TMC4: variants seen among roughly 807,000 people sequenced by gnomAD.
The protein encoded by TMC4 is voltage-gated chloride channel TMC4.
In TMC4, 70 loss-of-function variants were observed where a neutral mutation model predicts 82.0. The ratio of observed to expected loss-of-function variants is 0.85; its 90% confidence interval spans 0.70 to 1.04. The LOEUF is 1.04. Among genes scored for constraint, TMC4 ranks in the 50% least tolerant of loss-of-function variants. The pLI, the probability that TMC4 is intolerant of heterozygous loss-of-function variation, is 0.00. For missense variants in TMC4, 879 were observed against 899.0 expected, an observed-to-expected ratio of 0.98 and a Z score of 0.28; for synonymous variants, 446 against 406.0, an observed-to-expected ratio of 1.10 and a Z score of -1.18.
Position 54,162,597 on chromosome 19 carries a change from C to T in TMC4, c.1502+76G>A, listed in dbSNP as rs2075591766. 8.4e-6 allele frequency: 10 copies of T among 1,193,512 alleles called. No homozygotes were observed. The East Asian group carries it at 2.1e-4, about 26-fold the overall frequency. The allele number at this position is 1,193,512 out of a possible 1,614,324, so 73.9% of individuals were successfully genotyped here. A position where few individuals can be genotyped will look rare whatever the true frequency, so the allele number is the denominator to read the frequency against. ...GAGGCGGGAATGGTAAAAAGGTGCG[C>T]GGTGAAAAGAACAGCGCGATGGGGC... On this transcript the variant is annotated intron_variant, in intron 10 of 14. Coordinates refer to ENST00000619895, the MANE Select transcript of TMC4 (RefSeq NM_144686.4).
At position 54,162,209 on chromosome 19, in the gene TMC4, G is replaced by C; in HGVS notation, c.1579C>G (p.Leu527Val). ...ACCGTCTGCGCGTAGATGAGCCCCA[G>C]CACCTCGTCGGGCACCTGGAACTCT... ...TQEFQVPDEV[L>V]GLIYAQTVVW... Residue 527 changes from leucine (L) to valine (V), a missense_variant, in exon 11 of 15, where the codon CTG becomes GTG. Coordinates refer to ENST00000619895, the MANE Select transcript of TMC4 (RefSeq NM_144686.4). The C allele has an allele frequency of 6.2e-7, 1 of 1,613,266 alleles. No individual in the cohort carries two copies. Among genetic ancestry groups the C allele is most frequent in the East Asian group, 2.2e-5 (1 of 44,848 alleles).
At chr19:54,164,315 A>T (rs1444119358) in intron 7 of TMC4, 119 bp downstream of exon 7, 18 of 1,278,672 alleles carry the variant, frequency 1.4e-5, no homozygotes, top group Middle Eastern at 2.8e-4. Flanking sequence ...GTCCGAACAT[A>T]CCCTCTCCCA....
Position 54,160,192 on chromosome 19 carries a change from A to G in TMC4, c.*114T>C. The G allele has an allele frequency of 3.3e-6, 4 of 1,200,162 alleles. No homozygotes were observed. The highest frequency in any genetic ancestry group is 3.9e-5 in the South Asian group (2 of 50,980). 74.3% of individuals were successfully genotyped at this position (1,200,162 alleles called of 1,614,324 possible). On this transcript the variant is annotated 3_prime_UTR_variant, in exon 15 of 15. Transcript: ENST00000619895. The stretch of plus-strand genomic sequence containing the variant: ...GCGGCGAGGGGCCCTGGAAATCTCC[A>G]GATACCAAAGCTGGAAGGGCGTGGA...
At position 54,168,908 on chromosome 19, in the gene TMC4, TTTCTTTCCTTCC is replaced by T. The variant is rs1376398323; in HGVS notation, c.443-240_443-229del. Among the ~76,000 whole-genome samples the T allele has an allele frequency of 1.3e-4, 2 of 15,366 alleles. 1 individual carries two copies. The highest frequency in any genetic ancestry group is 2.1e-4 in the Non-Finnish European group (2 of 9,450). The allele number at this position is 15,366 out of a possible 152,430, so 10.1% of individuals were successfully genotyped here. ...TTTTCTTTCTTTCCTTTCTTTCTTC[TTTCTTTCCTTCC>T]TTCCTTCCTTCCTTCCTTCCTTCCT... is the stretch of plus-strand genomic sequence containing the variant. On this transcript the variant is annotated intron_variant, in intron 3 of 14. Coordinates refer to ENST00000619895, the MANE Select transcript of TMC4 (RefSeq NM_144686.4).
chr19:54,165,682 A>G, intron 5 of TMC4, 116 bp from the exon 6 acceptor site: 3 of 1,242,896 alleles, frequency 2.4e-6, no homozygotes, highest in Non-Finnish European at 2.2e-6. Context: ...CTTGGGTACT[A>G]GGCGAGTTCC....
Position 54,169,096 on chromosome 19 carries a change from C to T in TMC4, c.442+416G>A, listed in dbSNP as rs560502891. Among the ~76,000 whole-genome samples, 5 of 138,360 alleles carry T rather than the reference C, an allele frequency of 3.6e-5. No individual in the cohort carries two copies. The East Asian group carries it at 1.0e-3, about 29-fold the overall frequency. 90.8% of individuals were successfully genotyped at this position (138,360 alleles called of 152,430 possible). On this transcript the variant is annotated intron_variant, in intron 3 of 14. Transcript: ENST00000619895. ...CCGCCCAGCATGGAGTGCAGTGGCGCGATCTCGGCTCACTGCAACCTCCGC... is the reference window on the plus strand; with the variant it reads ...CCGCCCAGCATGGAGTGCAGTGGCGTGATCTCGGCTCACTGCAACCTCCGC...
At chr19:54,162,057 C>T in intron 11 of TMC4, 45 bp downstream of exon 11, 2 of 1,540,064 alleles carry the variant, frequency 1.3e-6, no homozygotes, top group Non-Finnish European at 1.8e-6. Context: ...AGTGCGGGCC[C>T]CAATACCTCC....
At chr19:54,172,195 G>C in intron 1 of TMC4, 112 bp from the exon 2 acceptor site, 1 of 839,602 alleles carries the variant, frequency 1.2e-6, no homozygotes, top group Non-Finnish European at 1.7e-6. Context: ...CAGGAGTCCA[G>C]GCCCCCGGCT....
Position 54,163,829 on chromosome 19 carries a change from G to A in TMC4, c.1172C>T (p.Ser391Phe). ...LLKLGVNYLP[S>F]IFIAGVNFVL... is the part of the protein sequence containing the mutation. ...AAAATTGACCCCAGCGATGAAGATGGACGGAAGGTAATTCACCCCAAGCTT... is the reference window on the plus strand; with the variant it reads ...AAAATTGACCCCAGCGATGAAGATGAACGGAAGGTAATTCACCCCAAGCTT... Residue 391 changes from serine to phenylalanine, a missense_variant, in exon 8 of 15, where the codon TCC becomes TTC. Ser to Phe is a radical substitution (Grantham distance 155, BLOSUM62 -2). Transcript: ENST00000619895. The A allele has an allele frequency of 6.2e-7, 1 of 1,614,032 alleles. No individual in the cohort carries two copies. Among genetic ancestry groups the A allele is most frequent in the Non-Finnish European group, 8.5e-7 (1 of 1,180,006 alleles).
chr19:54,161,063 G>A (rs2075534971), intron 12 of TMC4, 30 bp from the exon 13 acceptor site: 1 of 1,612,984 alleles, frequency 6.2e-7, no homozygotes, highest in Non-Finnish European at 8.5e-7. Flanking sequence ...GGCTCACATA[G>A]TGCCAGGAGT....
rs2075778843 is a variant in TMC4 at position 54,168,802 on chromosome 19, C to CTTTTCTT, written c.443-129_443-123dup. On this transcript the variant is annotated intron_variant, in intron 3 of 14. Coordinates refer to ENST00000619895, the MANE Select transcript of TMC4 (RefSeq NM_144686.4). ...TTCTTTCTTTTCTTTTCTTTCTTTT[C>CTTTTCTT]TTTTCTTTTCTTTTCTTTTCTTTTC... The CTTTTCTT allele has an allele frequency of 1.2e-4, 4 of 32,952 alleles. 1 individual carries two copies. The highest frequency in any genetic ancestry group is 1.8e-3 in the Admixed American group (2 of 1,138). 2.0% of individuals were successfully genotyped at this position (32,952 alleles called of 1,614,324 possible).
chr19:54,161,453 A>G (rs2075552741), intron 11 of TMC4, among the ~76,000 whole-genome samples, 193 bp from the exon 12 acceptor site: 1 of 142,462 alleles, frequency 7.0e-6, no homozygotes, highest in African/African-American at 2.7e-5. Flanking sequence ...GGTTCAAGCT[A>G]TTCTCGTGTC....
intron 6 of TMC4, among the ~76,000 whole-genome samples, chr19:54,164,923 C>T (rs2075663803): frequency 6.6e-6 from 1 of 152,168 alleles, no homozygotes; most frequent in Non-Finnish European, 1.5e-5. Context: ...AGAGGCTCCG[C>T]CCCCAGGTGG....
Position 54,161,315 on chromosome 19 carries a change from CA to C in TMC4, c.1687-56del, listed in dbSNP as rs1568720719. Reference sequence around the variant, plus strand: ...TCTGAAACACAAGAGTCTGTGCCTCCATTTTTTTTTTTTTTTTTTTTTGAGA... The same window carrying C: ...TCTGAAACACAAGAGTCTGTGCCTCCTTTTTTTTTTTTTTTTTTTTTGAGA... On this transcript the variant is annotated intron_variant, in intron 11 of 14. Coordinates refer to ENST00000619895, the MANE Select transcript of TMC4 (RefSeq NM_144686.4). 3.3e-5 allele frequency: 36 copies of C among 1,103,948 alleles called. No individual in the cohort carries two copies. The African/African-American group carries it at 4.7e-4, about 14-fold the overall frequency. The allele number at this position is 1,103,948 out of a possible 1,614,324, so 68.4% of individuals were successfully genotyped here.
chr19:54,173,106 G>A lies in TMC4; in HGVS notation c.12C>T (p.Asn4=). The A allele has an allele frequency of 6.4e-7, 1 of 1,567,122 alleles. No individual in the cohort carries two copies. The highest frequency in any genetic ancestry group is 8.6e-7 in the Non-Finnish European group (1 of 1,162,264). Residue 4 remains asparagine, a synonymous_variant, in exon 1 of 15, where the codon AAC becomes AAT. Transcript: ENST00000619895. The part of the protein sequence containing the change: MEE[N]PTLESEAWGS... Reference sequence around the variant, plus strand: ...CCCAGGCTTCTGATTCCAAGGTCGGGTTTTCTTCCATGGCCCCAGGCTGGG... The same window carrying A: ...CCCAGGCTTCTGATTCCAAGGTCGGATTTTCTTCCATGGCCCCAGGCTGGG...
rs2075503215 is a variant in TMC4, at chr19:54,160,236, A to G, written c.*70T>C. The G allele has an allele frequency of 6.9e-7, 1 of 1,450,030 alleles. No homozygotes were observed. The highest frequency in any genetic ancestry group is 9.2e-7 in the Non-Finnish European group (1 of 1,088,528). 89.8% of individuals were successfully genotyped at this position (1,450,030 alleles called of 1,614,324 possible). A position where few individuals can be genotyped will look rare whatever the true frequency, so the allele number is the denominator to read the frequency against. On this transcript the variant is annotated 3_prime_UTR_variant, in exon 15 of 15. Transcript: ENST00000619895. ...GCGTGGAGTCTTCTCCAGTTCTCCTAGTTTACAGATGTTGTGACCTAGGCT... is the reference window on the plus strand; with the variant it reads ...GCGTGGAGTCTTCTCCAGTTCTCCTGGTTTACAGATGTTGTGACCTAGGCT...
chr19:54,169,842 C>T (rs1440178963), intron 2 of TMC4, among the ~76,000 whole-genome samples, 182 bp from the exon 3 acceptor site: 1 of 151,952 alleles, frequency 6.6e-6, no homozygotes, highest in Non-Finnish European at 1.5e-5. Flanking sequence ...GTAATCCCAG[C>T]ACTTTGGGAG....
chr19:54,165,516 G>C lies in TMC4; in HGVS notation c.848C>G (p.Thr283Ser). ...QTLLAESEALTSYSHRVFSAW... is the reference protein window; with the variant it reads ...QTLLAESEALSSYSHRVFSAW... ...CGAGAACACCCGGTGGCTGTAGCTG[G>C]TCAGAGCCTCGGACTCCGCCAGCAG... The change falls in exon 6 of 15, where the codon ACC (threonine) becomes AGC (serine). Residue 283 changes from threonine (T) to serine (S), a missense_variant. Transcript: ENST00000619895. 2.5e-6 allele frequency: 4 copies of C among 1,612,546 alleles called. No individual in the cohort carries two copies. The highest frequency in any genetic ancestry group is 3.4e-6 in the Non-Finnish European group (4 of 1,179,292).
intron 2 of TMC4, among the ~76,000 whole-genome samples, chr19:54,170,257 G>C (rs1187504676): frequency 4.6e-5 from 7 of 151,394 alleles, no homozygotes. Flanking sequence ...GATCGCTTGA[G>C]CCCAGGTGTC....
Sources: allele counts gnomAD v4.1 joint callset (sites outside exome capture counted in the v4.1 genomes callset), GRCh38; gene constraint gnomAD v4.1.1; transcripts MANE v1.5; gene names NCBI Gene and HGNC (gene_info 2026-07-23, HGNC 2026-07-21).